The following ANO4 variants were observed in gnomAD, a reference collection of about 807,000 sequenced individuals.
ANO4 encodes the protein anoctamin-4.
ANO4 carries 69 observed loss-of-function variants against 141.9 expected under a neutral mutation model. The ratio of observed to expected loss-of-function variants is 0.49; its 90% CI spans 0.40 to 0.59. The LOEUF is 0.59. ANO4 is among the 20% of genes least tolerant of loss of function. The probability of loss-of-function intolerance (pLI) is 0.00; values close to 1 mark genes in which losing one functional copy is unlikely to be tolerated. For missense variants in ANO4, 894 were observed against 1,162.2 expected (o/e 0.77, Z 3.36); for synonymous variants, 350 against 394.3 (o/e 0.89, Z 1.33).
chr12:100,925,180 CTATT>C (rs963183183), intron 3 of ANO4, among the ~76,000 whole-genome samples: 8 of 152,086 alleles, frequency 5.3e-5, no homozygotes, highest in African/African-American at 1.9e-4. Context: ...CATTCAGTCT[CTATT>C]TAGGTTCCAA....
intron 1 of ANO4, among the ~76,000 whole-genome samples, chr12:100,855,192 T>G (rs2038099206): frequency 1.3e-5 from 2 of 152,194 alleles, no homozygotes; most frequent in African/African-American, 4.8e-5. Flanking sequence ...TTTGCATGCA[T>G]CATTTAAGTG....
intron 3 of ANO4, among the ~76,000 whole-genome samples, chr12:100,788,480 G>A (rs544616465): frequency 6.6e-6 from 1 of 152,246 alleles, no homozygotes; most frequent in African/African-American, 2.4e-5. Context: ...TCACTGGATA[G>A]CATTTTAATC....
At chr12:100,760,214 G>A (rs1055825095) in intron 3 of ANO4, among the ~76,000 whole-genome samples, 7 of 152,210 alleles carry the variant, frequency 4.6e-5, no homozygotes, top group Non-Finnish European at 7.3e-5. Flanking sequence ...ACGTTTAGGA[G>A]AGATTTTGGG....
intron 3 of ANO4, chr12:100,740,224 C>A: frequency 1.6e-6 from 1 of 643,122 alleles, no homozygotes; most frequent in East Asian, 2.8e-5. Context: ...TGGACCCCAA[C>A]AATACCTCTA....
At chr12:100,972,308 T>C (rs1229745914) in intron 6 of ANO4, among the ~76,000 whole-genome samples, 1 of 152,196 alleles carries the variant, frequency 6.6e-6, no homozygotes, top group Non-Finnish European at 1.5e-5. Context: ...AGAACATTTA[T>C]AGAGACAGAG....
At chr12:101,042,675 A>T (rs1340471066) in intron 12 of ANO4, among the ~76,000 whole-genome samples, 1 of 152,200 alleles carries the variant, frequency 6.6e-6, no homozygotes. Context: ...TGCAAGTAAA[A>T]GTTACCTTTT....
chr12:100,749,894 A>G (rs2032294534), intron 3 of ANO4, among the ~76,000 whole-genome samples: 1 of 152,202 alleles, frequency 6.6e-6, no homozygotes. Context: ...TGCGAGGGAC[A>G]TTTTAGAGAT....
At chr12:101,082,818 C>A (rs1218240308) in intron 15 of ANO4, among the ~76,000 whole-genome samples, 1 of 152,206 alleles carries the variant, frequency 6.6e-6, no homozygotes, top group Non-Finnish European at 1.5e-5. Context: ...CCATTTCTGC[C>A]TGGATTAACT....
chr12:101,006,620 A>G (rs894484110), intron 8 of ANO4, among the ~76,000 whole-genome samples: 1 of 152,266 alleles, frequency 6.6e-6, no homozygotes, highest in Non-Finnish European at 1.5e-5. Context: ...TAGACTTCTG[A>G]GCAGCAGGGA....
intron 1 of ANO4, among the ~76,000 whole-genome samples, chr12:100,799,470 C>T (rs1226515157): frequency 1.3e-5 from 2 of 152,156 alleles, no homozygotes; most frequent in South Asian, 2.1e-4. Context: ...TGGCCAGGGG[C>T]GGTGGCCCAT....
At chr12:100,928,992 G>T (rs2041984702) in intron 3 of ANO4, among the ~76,000 whole-genome samples, 1 of 151,564 alleles carries the variant, frequency 6.6e-6, no homozygotes, top group Admixed American at 6.6e-5. Flanking sequence ...AATTTTGGTG[G>T]GTACATAGTA....
chr12:101,099,841 G>A, intron 22 of ANO4, 121 bp downstream of exon 22: 1 of 745,964 alleles, frequency 1.3e-6, no homozygotes, highest in South Asian at 3.2e-5. Flanking sequence ...AAGGCAAACA[G>A]AGAGGAAGGC....
chr12:100,939,249 C>G (rs967018526), intron 3 of ANO4, 66 bp from the exon 4 acceptor site: 2 of 1,501,964 alleles, frequency 1.3e-6, no homozygotes, highest in Non-Finnish European at 1.8e-6. Flanking sequence ...GATGTTTTCT[C>G]TTTTAGCATT....
chr12:100,964,171 G>A (rs977676509), intron 5 of ANO4, among the ~76,000 whole-genome samples: 1 of 152,146 alleles, frequency 6.6e-6, no homozygotes, highest in Non-Finnish European at 1.5e-5. Context: ...GAGTTCATGA[G>A]CAAATACATA....
At position 100,948,994 on chromosome 12, in the gene ANO4, G is replaced by A. The variant is rs116640895; in HGVS notation, c.456+6459G>A. 3.2e-3 allele frequency among the ~76,000 whole-genome samples: 487 copies of A among 152,226 alleles called. 6 individuals are homozygous for A. Among genetic ancestry groups the A allele is most frequent in the African/African-American group, 0.011 (475 of 41,544 alleles). On this transcript the variant is annotated intron_variant, in intron 5 of 27. Transcript: ENST00000392977. ...ATATTGTGAGACAGCCTATGAAGAG[G>A]GCCACCTAGCAAAGAAAGGTGGGGT...
intron 17 of ANO4, among the ~76,000 whole-genome samples, chr12:101,088,530 AT>A (rs1218681350): frequency 3.3e-5 from 5 of 149,418 alleles, no homozygotes; most frequent in African/African-American, 7.4e-5. Flanking sequence ...TTGTTTGTTT[AT>A]TTTTTTTTCA....
intron 2 of ANO4, among the ~76,000 whole-genome samples, chr12:100,735,862 C>T (rs1424639055): frequency 6.6e-6 from 1 of 152,126 alleles, no homozygotes; most frequent in Non-Finnish European, 1.5e-5. Context: ...ATATGGAGAA[C>T]ATGTTCAGGA....
chr12:100,843,366 C>G (rs545855142), intron 1 of ANO4, among the ~76,000 whole-genome samples: 1 of 152,288 alleles, frequency 6.6e-6, no homozygotes, highest in African/African-American at 2.4e-5. Flanking sequence ...ATTCCCCTAA[C>G]TATAATATTG....
At position 100,801,032 on chromosome 12, in the gene ANO4, C is replaced by G. The variant is rs147452117; in HGVS notation, c.-141+6005C>G. On this transcript the variant is annotated intron_variant, in intron 1 of 27. Coordinates refer to ENST00000392977, the MANE Select transcript of ANO4 (RefSeq NM_001286615.2). Reference sequence around the variant, plus strand: ...TTGACTTCTTTTGCCCAGAGCTGAGCTAGGTATACTATCTCTGTTGTTCTG... The same window carrying G: ...TTGACTTCTTTTGCCCAGAGCTGAGGTAGGTATACTATCTCTGTTGTTCTG... 1.2e-4 allele frequency among the ~76,000 whole-genome samples: 19 copies of G among 152,136 alleles called. No homozygotes were observed. The East Asian group carries it at 3.1e-3, about 25-fold the overall frequency.
Sources: allele counts gnomAD v4.1 joint callset (sites outside exome capture counted in the v4.1 genomes callset), GRCh38; gene constraint gnomAD v4.1.1; transcripts MANE v1.5; gene names NCBI Gene and HGNC (gene_info 2026-07-23, HGNC 2026-07-21).